Variants in INTU observed in about 807,000 individuals in gnomAD.
The protein encoded by INTU is inturned planar cell polarity protein.
A neutral mutation model predicts 100.5 loss-of-function variants in INTU; 68 were observed. That is an observed-to-expected ratio of 0.68 (90% CI 0.56 to 0.83). The LOEUF (loss-of-function observed/expected upper bound fraction) is 0.83, where lower values mean the gene tolerates loss of function less well. Among genes scored for constraint, INTU ranks in the 40% least tolerant of loss-of-function variants. The probability of loss-of-function intolerance (pLI) is 0.00; values close to 1 mark genes in which losing one functional copy is unlikely to be tolerated. For synonymous variants in INTU, 357 were observed against 395.7 expected, an observed-to-expected ratio of 0.90 and a Z score of 1.16; for missense variants, 1,071 against 1,114.7, an observed-to-expected ratio of 0.96 and a Z score of 0.56.
rs1560827869 is a variant in INTU, at chr4:127,643,681, G to C, written c.307G>C (p.Glu103Gln). Residue 103 changes from glutamate (E) to glutamine (Q), a missense_variant, in exon 2 of 16, where the codon GAA becomes CAA. By Grantham distance (29) the Glu-to-Gln change is conservative. Transcript: ENST00000335251. ...GATTATCATTGAAGATGACTACAAA[G>C]AAAGAAAAAAGTATGAACCCAAACT... ...NEIIIEDDYK[E>Q]RKKYEPKLKQ... is the part of the protein sequence containing the mutation. The C allele has an allele frequency of 6.2e-7, 1 of 1,611,814 alleles. No individual in the cohort carries two copies. Among genetic ancestry groups the C allele is most frequent in the East Asian group, 2.2e-5 (1 of 44,876 alleles).
Position 127,708,578 on chromosome 4 carries a change from A to C in INTU, c.2279A>C (p.Lys760Thr). Residue 760 changes from lysine (K) to threonine (T), a missense_variant, in exon 13 of 16, where the codon AAA becomes ACA. Lys to Thr is a moderately conservative substitution (Grantham distance 78, BLOSUM62 -1). Transcript: ENST00000335251. Reference protein sequence around the residue: ...EESGTLLKVTKKKSTLPNPFH... With the variant: ...EESGTLLKVTTKKSTLPNPFH... ...CTTAACTATATTTTTCAGGTCACTAAAAAGAAGTCTACTCTTCCAAATCCA... is the reference window on the plus strand; with the variant it reads ...CTTAACTATATTTTTCAGGTCACTACAAAGAAGTCTACTCTTCCAAATCCA... 1 of 1,572,354 alleles carries C rather than the reference A, an allele frequency of 6.4e-7. No individual in the cohort carries two copies. Among genetic ancestry groups the C allele is most frequent in the East Asian group, 2.2e-5 (1 of 44,498 alleles).
intron 9 of INTU, among the ~76,000 whole-genome samples, chr4:127,701,163 A>G (rs1421152154): frequency 6.6e-6 from 1 of 152,188 alleles, no homozygotes; most frequent in Non-Finnish European, 1.5e-5. Context: ...CTTATAGGAA[A>G]TACCACTGAA....
rs1161788006 is a variant in INTU, at chr4:127,643,559, A to G, written c.185A>G (p.Asn62Ser). Residue 62 changes from asparagine (N) to serine (S), a missense_variant, in exon 2 of 16, where the codon AAT (asparagine) becomes AGT (serine). Physicochemically the swap from Asn to Ser is conservative, Grantham distance 46 (BLOSUM62 1). Transcript: ENST00000335251. ...EPEWLDSVQK[N>S]GELFYLELSE... ...GAATGGCTGGACAGTGTGCAGAAAA[A>G]TGGAGAGCTGTTTTATTTGGAATTG... is the stretch of plus-strand genomic sequence containing the variant. 10 of 1,607,180 alleles carry G rather than the reference A, an allele frequency of 6.2e-6. No individual in the cohort carries two copies. In the African/African-American group the frequency reaches 1.1e-4, roughly 17 times the overall value.
intron 6 of INTU, among the ~76,000 whole-genome samples, chr4:127,675,729 GGACCTC>G (rs1233280816): frequency 2.5e-4 from 38 of 152,250 alleles, no homozygotes; most frequent in African/African-American, 8.9e-4. Flanking sequence ...CTTGCCACAT[GGACCTC>G]TCCATGTAGC....
At chr4:127,690,924 T>A (rs937325184) in intron 8 of INTU, among the ~76,000 whole-genome samples, 1 of 152,112 alleles carries the variant, frequency 6.6e-6, no homozygotes, top group Non-Finnish European at 1.5e-5. Context: ...AGACAGATTA[T>A]AATGACATGG....
In INTU at chr4:127,632,992, C is replaced by T; in HGVS notation, c.-43C>T. 1.3e-6 allele frequency: 2 copies of T among 1,582,734 alleles called. No homozygotes were observed. Among genetic ancestry groups the T allele is most frequent in the Middle Eastern group, 2.0e-4 (1 of 4,904 alleles). ...TGGCGGCCTTAGCAAGCTATAGCTG[C>T]GAGATTTGAATTACTCCACTCGTAG... is the stretch of plus-strand genomic sequence containing the variant. On this transcript the variant is annotated 5_prime_UTR_variant, in exon 1 of 16. Coordinates refer to ENST00000335251, the MANE Select transcript of INTU (RefSeq NM_015693.4).
At chr4:127,707,752 G>T (rs1730948758) in intron 12 of INTU, among the ~76,000 whole-genome samples, 1 of 152,134 alleles carries the variant, frequency 6.6e-6, no homozygotes, top group Admixed American at 6.5e-5. Flanking sequence ...TAAAGAGGAT[G>T]TTCATTTTTC....
chr4:127,687,078 T>A (rs1007618345), intron 7 of INTU: 3 of 152,228 alleles, frequency 2.0e-5, no homozygotes, highest in Admixed American at 6.5e-5. Context: ...TAACTTATGC[T>A]TATTATGTAC....
At chr4:127,676,973 A>G (rs1729233216) in intron 6 of INTU, among the ~76,000 whole-genome samples, 2 of 152,136 alleles carry the variant, frequency 1.3e-5, no homozygotes, top group Non-Finnish European at 2.9e-5. Flanking sequence ...GGAGGGTCCT[A>G]CGCCCACGGA....
At chr4:127,688,939 C>CCTTTCTTTCTTTCTTTCTTTTT (rs141498626) in intron 8 of INTU, among the ~76,000 whole-genome samples, 1 of 87,338 alleles carries the variant, frequency 1.1e-5, no homozygotes, top group Non-Finnish European at 2.1e-5. Context: ...ATTACCCTTT[C>CCTTTCTTTCTTTCTTTCTTTTT]CTTTCTTTCT....
intron 1 of INTU, among the ~76,000 whole-genome samples, chr4:127,638,308 T>C (rs1165078248): frequency 6.6e-6 from 1 of 152,220 alleles, no homozygotes; most frequent in African/African-American, 2.4e-5. Flanking sequence ...GTAAAGTGCA[T>C]TGTGCTTTGC....
intron 10 of INTU, among the ~76,000 whole-genome samples, chr4:127,704,547 G>A (rs1205146670): frequency 6.6e-6 from 1 of 151,956 alleles, no homozygotes; most frequent in Non-Finnish European, 1.5e-5. Context: ...CTCCTGCTTT[G>A]GCCTCCCAAA....
intron 6 of INTU, among the ~76,000 whole-genome samples, chr4:127,682,139 CT>C (rs921796077): frequency 6.6e-6 from 1 of 152,016 alleles, no homozygotes; most frequent in African/African-American, 2.4e-5. Flanking sequence ...AATAGAAACA[CT>C]TTTACACTGT....
At chr4:127,701,235 T>C (rs928133160) in intron 9 of INTU, among the ~76,000 whole-genome samples, 1 of 152,112 alleles carries the variant, frequency 6.6e-6, no homozygotes, top group African/African-American at 2.4e-5. Flanking sequence ...AAATCCAGAC[T>C]GGCAAATACT....
intron 6 of INTU, among the ~76,000 whole-genome samples, chr4:127,677,945 G>A (rs1187499266): frequency 3.9e-5 from 6 of 152,220 alleles, no homozygotes; most frequent in Admixed American, 1.3e-4. Context: ...CGAGAACTAC[G>A]TGAAGAATGC....
chr4:127,684,354 G>A (rs1474468844), intron 6 of INTU, 55 bp from the exon 7 acceptor site: 6 of 958,272 alleles, frequency 6.3e-6, no homozygotes, highest in Non-Finnish European at 9.9e-6. Context: ...ACTTCTTTTA[G>A]ATAAATGTCA....
intron 8 of INTU, among the ~76,000 whole-genome samples, chr4:127,689,293 T>C (rs574426856): frequency 3.3e-5 from 5 of 152,240 alleles, no homozygotes; most frequent in Admixed American, 2.6e-4. Context: ...TACCATTTTC[T>C]TAAATTGTAT....
intron 2 of INTU, among the ~76,000 whole-genome samples, chr4:127,646,383 A>G (rs1172692470): frequency 6.6e-6 from 1 of 152,080 alleles, no homozygotes; most frequent in Non-Finnish European, 1.5e-5. Context: ...CCCCCCTTTC[A>G]GTGGTGTTTC....
chr4:127,686,723 T>C (rs1729843459), intron 7 of INTU: 1 of 152,234 alleles, frequency 6.6e-6, no homozygotes, highest in South Asian at 2.1e-4. Context: ...TTGTGTTTTT[T>C]ACTTTTTGTT....
Sources: gnomAD v4.1 joint callset for allele counts (sites outside exome capture counted in the v4.1 genomes callset) on GRCh38, gnomAD v4.1.1 for gene constraint, MANE v1.5 for transcripts, NCBI Gene and HGNC (gene_info 2026-07-23, HGNC 2026-07-21) for gene names.